Variants in SLC44A5 observed in about 807,000 individuals in gnomAD.
The protein encoded by SLC44A5 is solute carrier family 44 member 5.
In SLC44A5, 57 loss-of-function variants were observed where a neutral mutation model predicts 101.8. That is an observed-to-expected ratio of 0.56 (90% CI 0.45 to 0.70). The LOEUF (loss-of-function observed/expected upper bound fraction) is 0.70. SLC44A5 is among the 30% of genes least tolerant of loss of function. The probability of loss-of-function intolerance (pLI) is 0.00; values close to 1 mark genes in which losing one functional copy is unlikely to be tolerated. For synonymous variants in SLC44A5, 281 were observed against 290.9 expected, an observed-to-expected ratio of 0.97 and a Z score of 0.35; for missense variants, 737 against 853.1, an observed-to-expected ratio of 0.86 and a Z score of 1.70.
At chr1:75,440,095 C>T (rs1557785255) in intron 2 of SLC44A5, among the ~76,000 whole-genome samples, 1 of 151,900 alleles carries the variant, frequency 6.6e-6, no homozygotes, top group Non-Finnish European at 1.5e-5. Context: ...TTAGATGCCA[C>T]TATGTGTCAG....
the SLC44A5 span, among the ~76,000 whole-genome samples, chr1:75,650,520 G>A: frequency 2.0e-5 from 3 of 152,200 alleles, no homozygotes; most frequent in African/African-American, 7.2e-5. Context: ...TAGAAATGGT[G>A]TAGACTTCAT....
At chr1:75,300,014 C>CAAAAAAAAAAAAAAAAA (rs35608663) in intron 5 of SLC44A5, among the ~76,000 whole-genome samples, 4 of 93,796 alleles carry the variant, frequency 4.3e-5, no homozygotes, top group African/African-American at 2.2e-4. Context: ...GACTCTGTCT[C>CAAAAAAAAAAAAAAAAA]AAAAAAAAAA....
chr1:75,260,977 GA>G (rs1227359114), intron 6 of SLC44A5, among the ~76,000 whole-genome samples: 1 of 152,064 alleles, frequency 6.6e-6, no homozygotes, highest in Admixed American at 6.6e-5. Flanking sequence ...TGAAACCAAT[GA>G]GAACAAAGAC....
chr1:75,454,899 C>A (rs1000849043), intron 2 of SLC44A5, among the ~76,000 whole-genome samples: 3 of 152,070 alleles, frequency 2.0e-5, no homozygotes, highest in African/African-American at 7.2e-5. Context: ...GATGCAAAAA[C>A]ATTCCATGCT....
chr1:75,458,003 A>AT (rs769046575), intron 2 of SLC44A5, among the ~76,000 whole-genome samples: 4 of 152,338 alleles, frequency 2.6e-5, no homozygotes, highest in Non-Finnish European at 4.4e-5. Flanking sequence ...CCTTACCCTC[A>AT]ATAAGTTTAC....
intron 2 of SLC44A5, among the ~76,000 whole-genome samples, chr1:75,532,086 A>G (rs1670752299): frequency 6.6e-6 from 1 of 152,220 alleles, no homozygotes. Flanking sequence ...CAAAAACTTC[A>G]GAAGTGGGGT....
chr1:75,525,261 T>C (rs1353658336), intron 2 of SLC44A5, among the ~76,000 whole-genome samples: 2 of 152,274 alleles, frequency 1.3e-5, no homozygotes, highest in African/African-American at 4.8e-5. Flanking sequence ...GTGATGACCA[T>C]ACCAACAAAG....
chr1:75,647,211 C>T, the SLC44A5 span, among the ~76,000 whole-genome samples: 1 of 152,222 alleles, frequency 6.6e-6, no homozygotes, highest in Admixed American at 6.5e-5. Flanking sequence ...CAGGCCATTG[C>T]TTCAGAACGT....
chr1:75,690,477 T>C, the SLC44A5 span, among the ~76,000 whole-genome samples: 1 of 151,816 alleles, frequency 6.6e-6, no homozygotes, highest in Non-Finnish European at 1.5e-5. Flanking sequence ...GAGGGGAAAA[T>C]GAGACAAGAA....
intron 2 of SLC44A5, among the ~76,000 whole-genome samples, chr1:75,475,194 C>T (rs1667315448): frequency 1.3e-5 from 2 of 152,184 alleles, no homozygotes; most frequent in African/African-American, 4.8e-5. Flanking sequence ...CAGCAAAAGC[C>T]TAATAAGAAG....
At position 75,337,112 on chromosome 1, in the gene SLC44A5, C is replaced by T. The variant is rs560966752; in HGVS notation, c.101+2470G>A. Reference sequence around the variant, plus strand: ...GTCTCAAGTGTAATAATGCTATGGCCGTTACTCAGCCCCTTTTGAAGTTCA... The same window carrying T: ...GTCTCAAGTGTAATAATGCTATGGCTGTTACTCAGCCCCTTTTGAAGTTCA... On this transcript the variant is annotated intron_variant, in intron 4 of 23. Coordinates refer to ENST00000370859, the MANE Select transcript of SLC44A5 (RefSeq NM_001130058.2). Among the ~76,000 whole-genome samples, 7 of 150,094 alleles carry T rather than the reference C, an allele frequency of 4.7e-5. No homozygotes were observed. The South Asian group carries it at 1.1e-3, about 23-fold the overall frequency.
Position 75,543,745 on chromosome 1 carries a change from A to G in SLC44A5, c.-69-2229T>C, listed in dbSNP as rs186564546. On this transcript the variant is annotated intron_variant, in intron 1 of 23. Transcript: ENST00000370859. The stretch of plus-strand genomic sequence containing the variant: ...TTCTTTAATGTTTATAAAATGAATT[A>G]TCCATATAAGGTAGCAATCATCTGG... Among the ~76,000 whole-genome samples the G allele has an allele frequency of 5.0e-3, 758 of 150,808 alleles. 9 individuals carry two copies. The highest frequency in any genetic ancestry group is 0.018 in the African/African-American group (721 of 41,186).
intron 2 of SLC44A5, among the ~76,000 whole-genome samples, chr1:75,489,265 TGAG>T (rs1275256815): frequency 6.6e-6 from 1 of 152,202 alleles, no homozygotes; most frequent in East Asian, 1.9e-4. Flanking sequence ...TTCATGTGTG[TGAG>T]GAGAGGAGGA....
intron 3 of SLC44A5, among the ~76,000 whole-genome samples, chr1:75,362,857 T>C (rs1490314596): frequency 2.0e-5 from 3 of 152,034 alleles, no homozygotes; most frequent in Non-Finnish European, 4.4e-5. Context: ...CGAGTATAAG[T>C]ACAAGTCCAG....
At chr1:75,338,591 A>G (rs752046922) in intron 4 of SLC44A5, among the ~76,000 whole-genome samples, 1 of 152,238 alleles carries the variant, frequency 6.6e-6, no homozygotes, top group Non-Finnish European at 1.5e-5. Flanking sequence ...ACTAGACAAC[A>G]AAATGTATTC....
chr1:75,646,847 A>T, the SLC44A5 span, among the ~76,000 whole-genome samples: 1 of 152,214 alleles, frequency 6.6e-6, no homozygotes, highest in Non-Finnish European at 1.5e-5. Flanking sequence ...GGTAGCTGGC[A>T]GAAGAAATTT....
chr1:75,265,426 CTGGTTAATGGGTTAA>C (rs1650904233), intron 6 of SLC44A5, among the ~76,000 whole-genome samples: 1 of 151,950 alleles, frequency 6.6e-6, no homozygotes, highest in South Asian at 2.1e-4. Flanking sequence ...TGAAGAGAGG[CTGGTTAATGGGTTAA>C]TGGTTAATGG....
chr1:75,624,763 A>G, the SLC44A5 span, among the ~76,000 whole-genome samples: 1 of 152,122 alleles, frequency 6.6e-6, no homozygotes, highest in Non-Finnish European at 1.5e-5. Context: ...CTTCTCTCTG[A>G]ACCTCAATTT....
At chr1:75,505,572 T>C (rs1405958812) in intron 2 of SLC44A5, among the ~76,000 whole-genome samples, 1 of 152,168 alleles carries the variant, frequency 6.6e-6, no homozygotes, top group Non-Finnish European at 1.5e-5. Context: ...GGTATTTCAT[T>C]ATGGGTTTGA....
Sources: allele counts gnomAD v4.1 joint callset (sites outside exome capture counted in the v4.1 genomes callset), GRCh38; gene constraint gnomAD v4.1.1; transcripts MANE v1.5; gene names NCBI Gene and HGNC (gene_info 2026-07-23, HGNC 2026-07-21).